CADM2: variants seen among roughly 807,000 people sequenced by gnomAD.
CADM2 encodes cell adhesion molecule 2.
CADM2 carries 12 observed loss-of-function variants against 49.8 expected under a neutral mutation model. The ratio of observed to expected loss-of-function variants is 0.24; its 90% confidence interval spans 0.15 to 0.39. The LOEUF (loss-of-function observed/expected upper bound fraction) is 0.39. CADM2 is among the 10% of genes least tolerant of loss of function. CADM2 has a pLI of 1.00. For synonymous variants in CADM2, 214 were observed against 175.4 expected, an observed-to-expected ratio of 1.22 and a Z score of -1.74; for missense variants, 378 against 492.3, an observed-to-expected ratio of 0.77 and a Z score of 2.20.
intron 1 of CADM2, among the ~76,000 whole-genome samples, chr3:85,078,839 G>T (rs1314030835): frequency 6.6e-6 from 1 of 151,570 alleles, no homozygotes; most frequent in Non-Finnish European, 1.5e-5. Context: ...TTTCTTTCAT[G>T]TCACTCTTGC....
chr3:85,250,980 G>A (rs1037936159), intron 1 of CADM2, among the ~76,000 whole-genome samples: 7 of 151,640 alleles, frequency 4.6e-5, no homozygotes, highest in African/African-American at 1.7e-4. Flanking sequence ...TGAAATTCCA[G>A]TGTAATGGTA....
rs182821245 is a variant in CADM2 at position 85,038,819 on chromosome 3, A to G, written c.61+79151A>G. On this transcript the variant is annotated intron_variant, in intron 1 of 9. Transcript: ENST00000383699. ...TGTGATGACCTCCCCAGAGTTGACT[A>G]TAATGCCAAGATAAAAGAAAAAATA... 7.5e-4 allele frequency among the ~76,000 whole-genome samples: 114 copies of G among 152,286 alleles called. No homozygotes were observed. In the East Asian group the frequency reaches 0.017, roughly 22 times the overall value.
Position 86,013,717 on chromosome 3 carries a change from T to G in CADM2, c.971-51888T>G, listed in dbSNP as rs975330974. On this transcript the variant is annotated intron_variant, in intron 8 of 9. Transcript: ENST00000383699. The stretch of plus-strand genomic sequence containing the variant: ...GAATCTCATAGCCTAAGAGAGGAAT[T>G]TATAGGTTTTCTGCCTTATGAAGCT... 8 of 1,597,304 alleles carry G rather than the reference T, an allele frequency of 5.0e-6. No homozygotes were observed. In the Admixed American group the frequency reaches 6.7e-5, roughly 13 times the overall value.
intron 1 of CADM2, among the ~76,000 whole-genome samples, chr3:85,552,618 G>A (rs1422023805): frequency 6.6e-6 from 1 of 151,722 alleles, no homozygotes; most frequent in African/African-American, 2.4e-5. Flanking sequence ...CTGACCTTGT[G>A]ATCCGCCCAC....
chr3:85,737,816 C>T (rs2068206432), intron 2 of CADM2, among the ~76,000 whole-genome samples: 1 of 152,134 alleles, frequency 6.6e-6, no homozygotes, highest in Admixed American at 6.6e-5. Flanking sequence ...CCGCTGCCTC[C>T]CAAACTGCTG....
chr3:85,981,339 C>T (rs1288118943), intron 8 of CADM2, among the ~76,000 whole-genome samples: 2 of 151,470 alleles, frequency 1.3e-5, no homozygotes, highest in Non-Finnish European at 3.0e-5. Context: ...GGGATTTGGT[C>T]TATTGCATTT....
intron 1 of CADM2, among the ~76,000 whole-genome samples, chr3:85,146,535 A>G (rs1042886332): frequency 6.6e-6 from 1 of 152,206 alleles, no homozygotes; most frequent in African/African-American, 2.4e-5. Context: ...TTCAAGAATA[A>G]CTAATGTTGA....
chr3:86,038,821 G>C (rs1033955184), intron 8 of CADM2, among the ~76,000 whole-genome samples: 1 of 152,100 alleles, frequency 6.6e-6, no homozygotes, highest in Non-Finnish European at 1.5e-5. Flanking sequence ...ATCCAAATTT[G>C]TTAAATGATT....
At chr3:85,133,525 T>G (rs959229653) in intron 1 of CADM2, among the ~76,000 whole-genome samples, 2 of 152,086 alleles carry the variant, frequency 1.3e-5, no homozygotes, top group Admixed American at 1.3e-4. Flanking sequence ...CTGACTGGTG[T>G]GTTTACAAAC....
rs1380285782 is a variant in CADM2, at chr3:86,070,239, TATAA to T, written c.*3460_*3463del. ...ATTTATTTTTATTTCTTTGTAAAAA[TATAA>T]ATATCTCAATCAAAAGTACAGGCTC... On this transcript the variant is annotated 3_prime_UTR_variant, in exon 10 of 10. Transcript: ENST00000383699. 2.0e-5 allele frequency: 3 copies of T among 151,942 alleles called. No homozygotes were observed. The highest frequency in any genetic ancestry group is 4.4e-5 in the Non-Finnish European group (3 of 67,870). 9.4% of individuals were successfully genotyped at this position (151,942 alleles called of 1,614,324 possible).
intron 1 of CADM2, among the ~76,000 whole-genome samples, chr3:85,382,560 T>A (rs866630734): frequency 6.6e-6 from 1 of 152,328 alleles, no homozygotes; most frequent in African/African-American, 2.4e-5. Context: ...ACAAGTTATT[T>A]ATTTTAACTG....
intron 1 of CADM2, among the ~76,000 whole-genome samples, chr3:85,555,409 G>A (rs192386210): frequency 3.3e-5 from 5 of 152,142 alleles, no homozygotes; most frequent in Admixed American, 3.3e-4. Flanking sequence ...TGCTTGGTCA[G>A]GATACTGACA....
At chr3:86,011,346 A>G (rs1044481092) in intron 8 of CADM2, among the ~76,000 whole-genome samples, 3 of 152,186 alleles carry the variant, frequency 2.0e-5, no homozygotes, top group Non-Finnish European at 2.9e-5. Flanking sequence ...AAATCCATCT[A>G]TATAACTAAC....
chr3:85,235,267 CT>C (rs1360776483), intron 1 of CADM2, among the ~76,000 whole-genome samples: 9 of 152,088 alleles, frequency 5.9e-5, no homozygotes, highest in Admixed American at 1.3e-4. Flanking sequence ...GCTATATTGC[CT>C]TTGATACTGC....
In CADM2 at chr3:85,833,278, TTTGTTGTTGTTG is replaced by T. The variant is rs57879763; in HGVS notation, c.238+31099_238+31110del. Among the ~76,000 whole-genome samples the T allele has an allele frequency of 1.9e-4, 29 of 151,058 alleles. No homozygotes were observed. In the South Asian group the frequency reaches 3.6e-3, roughly 19 times the overall value. On this transcript the variant is annotated intron_variant, in intron 3 of 9. Transcript: ENST00000383699. The stretch of plus-strand genomic sequence containing the variant: ...TCAGGGATATTAGCCTGCAGTTTTC[TTTGTTGTTGTTG>T]TTGTTGTTGTTGTTGTGTCTTTGTT...
chr3:85,261,641 A>G (rs1026106266), intron 1 of CADM2, among the ~76,000 whole-genome samples: 15 of 152,094 alleles, frequency 9.9e-5, no homozygotes, highest in African/African-American at 3.6e-4. Flanking sequence ...GAATGTTCAT[A>G]TATTAAATCT....
At chr3:85,161,526 A>C (rs2040324467) in intron 1 of CADM2, among the ~76,000 whole-genome samples, 1 of 152,120 alleles carries the variant, frequency 6.6e-6, no homozygotes, top group African/African-American at 2.4e-5. Context: ...GGCCTACTAA[A>C]ACCTAGGTGA....
chr3:85,258,412 G>A (rs1049326962), intron 1 of CADM2, among the ~76,000 whole-genome samples: 1 of 151,642 alleles, frequency 6.6e-6, no homozygotes, highest in African/African-American at 2.4e-5. Context: ...CTACTGACTG[G>A]CTGCCAAAAA....
At chr3:85,764,049 AG>A (rs1164033686) in intron 2 of CADM2, among the ~76,000 whole-genome samples, 1 of 152,188 alleles carries the variant, frequency 6.6e-6, no homozygotes, top group Non-Finnish European at 1.5e-5. Context: ...AAAAGAAATA[AG>A]AACATAATGT....
Sources: allele counts gnomAD v4.1 joint callset (sites outside exome capture counted in the v4.1 genomes callset), GRCh38; gene constraint gnomAD v4.1.1; transcripts MANE v1.5; gene names NCBI Gene and HGNC (gene_info 2026-07-23, HGNC 2026-07-21).